ADAMTS12: variants seen among roughly 807,000 people sequenced by gnomAD.
The protein encoded by ADAMTS12 is A disintegrin and metalloproteinase with thrombospondin motifs 12.
Under a neutral mutation model 167.8 loss-of-function variants are expected in ADAMTS12, and 118 were observed. That is an observed-to-expected ratio of 0.70 (90% confidence interval 0.61 to 0.82). The LOEUF (loss-of-function observed/expected upper bound fraction) is 0.82. ADAMTS12 is among the 40% of genes least tolerant of loss of function. The pLI, the probability that ADAMTS12 is intolerant of heterozygous loss-of-function variation, is 0.00. For missense variants in ADAMTS12, 1,916 were observed against 1,998.8 expected (o/e 0.96, Z 0.79); for synonymous variants, 704 against 716.9 (o/e 0.98, Z 0.29).
chr5:33,603,922 T>A (rs758190712), intron 16 of ADAMTS12, among the ~76,000 whole-genome samples: 1 of 152,220 alleles, frequency 6.6e-6, no homozygotes, highest in Non-Finnish European at 1.5e-5. Context: ...GAGCAGAACT[T>A]AAGTGAAGTG....
At chr5:33,548,134 G>A (rs1256361189) in intron 21 of ADAMTS12, among the ~76,000 whole-genome samples, 3 of 152,186 alleles carry the variant, frequency 2.0e-5, no homozygotes, top group Admixed American at 1.3e-4. Flanking sequence ...CTCAGGTTGG[G>A]ATTCTCTGCC....
At chr5:33,586,703 T>C (rs1747370762) in intron 18 of ADAMTS12, among the ~76,000 whole-genome samples, 1 of 152,238 alleles carries the variant, frequency 6.6e-6, no homozygotes, top group Admixed American at 6.5e-5. Flanking sequence ...AACACATTTT[T>C]GGTAAACAGA....
chr5:33,541,418 T>C (rs1256509093), intron 22 of ADAMTS12, among the ~76,000 whole-genome samples: 2 of 152,156 alleles, frequency 1.3e-5, no homozygotes, highest in African/African-American at 2.4e-5. Flanking sequence ...CTTCAAGATA[T>C]TATCCAGGAA....
At chr5:33,855,225 TATGAGGCATGTCCCCTCTCTCA>T (rs1315643217) in intron 2 of ADAMTS12, among the ~76,000 whole-genome samples, 3 of 152,358 alleles carry the variant, frequency 2.0e-5, no homozygotes, top group Admixed American at 1.3e-4. Flanking sequence ...AGTAACGTGG[TATGAGGCATGTCCCCTCTCTCA>T]ATGGAGGCAC....
intron 3 of ADAMTS12, among the ~76,000 whole-genome samples, chr5:33,724,022 A>C (rs1282641319): frequency 1.3e-5 from 2 of 152,202 alleles, no homozygotes; most frequent in African/African-American, 4.8e-5. Context: ...TGTCCTGAAT[A>C]TCCCAGAACA....
At chr5:33,562,526 A>AT (rs1745797648) in intron 19 of ADAMTS12, among the ~76,000 whole-genome samples, 1 of 152,162 alleles carries the variant, frequency 6.6e-6, no homozygotes, top group Non-Finnish European at 1.5e-5. Context: ...CTAAAAAAAA[A>AT]AGACAGGGTG....
rs1744295597 is a variant in ADAMTS12 at position 33,534,826 on chromosome 5, C to T, written c.4606+7G>A. 6.2e-7 allele frequency: 1 copy of T among 1,609,004 alleles called. No individual in the cohort carries two copies. On this transcript the variant is annotated splice_region_variant and intron_variant, in intron 23 of 23. Transcript: ENST00000504830. ...CTCTTTCTCCCCGAGCAAACCCATT[C>T]ACCCACCGGCACTTTTCTTGCAGGC...
At chr5:33,806,343 T>C (rs1747227947) in intron 2 of ADAMTS12, among the ~76,000 whole-genome samples, 1 of 152,252 alleles carries the variant, frequency 6.6e-6, no homozygotes, top group East Asian at 1.9e-4. Flanking sequence ...ATGTCATTAA[T>C]GGAAGCACAG....
intron 5 of ADAMTS12, among the ~76,000 whole-genome samples, chr5:33,676,791 C>A (rs1428835570): frequency 6.6e-6 from 1 of 150,930 alleles, no homozygotes; most frequent in African/African-American, 2.4e-5. Flanking sequence ...CAATACAGAC[C>A]CACACATCAG....
intron 23 of ADAMTS12, among the ~76,000 whole-genome samples, chr5:33,532,550 G>A (rs1302967996): frequency 6.6e-6 from 1 of 150,836 alleles, no homozygotes; most frequent in Non-Finnish European, 1.5e-5. Context: ...AACAACCCCA[G>A]GAATGGTAGG....
At chr5:33,692,853 T>C (rs1032412078) in intron 3 of ADAMTS12, among the ~76,000 whole-genome samples, 11 of 152,246 alleles carry the variant, frequency 7.2e-5, no homozygotes, top group African/African-American at 2.7e-4. Flanking sequence ...GTCATATATT[T>C]ACTCTTGTTC....
chr5:33,530,077 G>A (rs1744021073), intron 23 of ADAMTS12, among the ~76,000 whole-genome samples: 1 of 139,724 alleles, frequency 7.2e-6, no homozygotes, highest in East Asian at 2.3e-4. Context: ...GTGCCACCAT[G>A]CCCAGCTAAT....
chr5:33,557,725 C>A (rs1347834938), intron 20 of ADAMTS12, among the ~76,000 whole-genome samples: 1 of 152,088 alleles, frequency 6.6e-6, no homozygotes, highest in Non-Finnish European at 1.5e-5. Context: ...ATCCCCAATC[C>A]CCCAGTCTGT....
At chr5:33,632,447 T>A (rs1405974942) in intron 12 of ADAMTS12, among the ~76,000 whole-genome samples, 2 of 122,726 alleles carry the variant, frequency 1.6e-5, no homozygotes. Context: ...AAAGCAAATA[T>A]GTAAATAAAG....
chr5:33,653,189 A>T (rs1740930338), intron 7 of ADAMTS12, among the ~76,000 whole-genome samples: 1 of 152,072 alleles, frequency 6.6e-6, no homozygotes, highest in Admixed American at 6.6e-5. Context: ...CAAGTTGAGG[A>T]AATTTCAGTT....
rs373290882 is a variant in ADAMTS12, at chr5:33,549,272, G to A, written c.4237C>T (p.Pro1413Ser). The change falls in exon 21 of 24, where the codon CCC (proline) becomes TCC (serine). Residue 1413 changes from proline to serine, a missense_variant. Coordinates refer to ENST00000504830, the MANE Select transcript of ADAMTS12 (RefSeq NM_030955.4). ...FHCQFLAGIP[P>S]PLSMSCNPEP... Reference sequence around the variant, plus strand: ...GGGTTACAGCTCATGCTCAATGGGGGAGGAATGCCGGCCAGGAACTGGCAG... The same window carrying A: ...GGGTTACAGCTCATGCTCAATGGGGAAGGAATGCCGGCCAGGAACTGGCAG... 3.2e-5 allele frequency: 52 copies of A among 1,614,110 alleles called. No individual in the cohort carries two copies. Among genetic ancestry groups the A allele is most frequent in the African/African-American group, 5.3e-5 (4 of 74,942 alleles).
In ADAMTS12 at chr5:33,537,495, C is replaced by T. The variant is rs146044113; in HGVS notation, c.4447-2503G>A. ...AAGAAACTGAGGCTGAGGCTTGTGTCAAGGTGACCTGTGTGCATCTTGGCT... is the reference window on the plus strand; with the variant it reads ...AAGAAACTGAGGCTGAGGCTTGTGTTAAGGTGACCTGTGTGCATCTTGGCT... On this transcript the variant is annotated intron_variant, in intron 22 of 23. Transcript: ENST00000504830. 2.6e-3 allele frequency among the ~76,000 whole-genome samples: 390 copies of T among 152,322 alleles called. 1 individual carries two copies. The highest frequency in any genetic ancestry group is 6.8e-3 in the Middle Eastern group (2 of 292).
chr5:33,662,439 A>T (rs1321489534), intron 5 of ADAMTS12, among the ~76,000 whole-genome samples: 1 of 152,258 alleles, frequency 6.6e-6, no homozygotes, highest in Non-Finnish European at 1.5e-5. Flanking sequence ...GATTTTCAAC[A>T]AAAGTTTTTT....
intron 2 of ADAMTS12, among the ~76,000 whole-genome samples, chr5:33,782,291 G>T (rs1400661252): frequency 1.3e-5 from 2 of 151,806 alleles, no homozygotes; most frequent in Non-Finnish European, 2.9e-5. Flanking sequence ...AAAGAAAATA[G>T]TTTAAAAATA....
Sources: gnomAD v4.1 joint callset for allele counts (sites outside exome capture counted in the v4.1 genomes callset) on GRCh38, gnomAD v4.1.1 for gene constraint, MANE v1.5 for transcripts, NCBI Gene and HGNC (gene_info 2026-07-23, HGNC 2026-07-21) for gene names.